PARD6G: variants seen among roughly 807,000 people sequenced by gnomAD.
PARD6G encodes par-6 family cell polarity regulator gamma, also known as partitioning defective 6 homolog gamma.
PARD6G carries 7 observed loss-of-function variants against 10.7 expected under a neutral mutation model. That is an observed-to-expected ratio of 0.66 (90% confidence interval 0.37 to 1.23). PARD6G has a LOEUF of 1.23. Ranked by LOEUF, PARD6G falls within the 50% of genes most tolerant of loss-of-function variation. The pLI is 0.02. For missense variants in PARD6G, 548 were observed against 571.8 expected (o/e 0.96, Z 0.42); for synonymous variants, 287 against 269.4 (o/e 1.07, Z -0.64).
At position 80,161,162 on chromosome 18, in the gene PARD6G, C is replaced by A. The variant is rs1258360465; in HGVS notation, c.296-556G>T. On this transcript the variant is annotated intron_variant, in intron 2 of 2. Transcript: ENST00000353265. The surrounding 1 kb of genome is among the most constrained non-coding windows in gnomAD (Gnocchi z 4.6). ...AGTCGGGCGTGTGAGCATTTCCCTG[C>A]GTTTTTGGTTAGCAGCTGATGAGGG... 6.6e-6 allele frequency among the ~76,000 whole-genome samples: 1 copy of A among 152,132 alleles called. No individual in the cohort carries two copies. The highest frequency in any genetic ancestry group is 6.5e-5 in the Admixed American group (1 of 15,276).
At chr18:80,185,139 T>A (rs1328182155) in intron 2 of PARD6G, among the ~76,000 whole-genome samples, 3 of 152,226 alleles carry the variant, frequency 2.0e-5, no homozygotes, top group Non-Finnish European at 4.4e-5. Flanking sequence ...AATTACAATC[T>A]GAAAGTCTGT....
chr18:80,180,561 T>C lies in PARD6G; in HGVS notation c.296-19955A>G, dbSNP rs1307304160. ...TGCCGGGCACACTGCGGCCTCTGGG[T>C]GTTTTCAGAACGGCAATCACATTCT... On this transcript the variant is annotated intron_variant, in intron 2 of 2. Coordinates refer to ENST00000353265, the MANE Select transcript of PARD6G (RefSeq NM_032510.4). This position sits in a 1 kb window ranked among gnomAD's most constrained non-coding sequence, Gnocchi z 5.6. 2.6e-5 allele frequency among the ~76,000 whole-genome samples: 4 copies of C among 152,030 alleles called. No individual in the cohort carries two copies. The highest frequency in any genetic ancestry group is 9.7e-5 in the African/African-American group (4 of 41,380).
intron 1 of PARD6G, among the ~76,000 whole-genome samples, chr18:80,220,706 G>A (rs532695000): frequency 1.4e-4 from 22 of 152,006 alleles, no homozygotes; most frequent in Non-Finnish European, 2.6e-4. Context: ...CACCTCCCAG[G>A]TTGCAGTGAT....
intron 2 of PARD6G, among the ~76,000 whole-genome samples, chr18:80,176,353 T>G (rs924836440): frequency 1.3e-5 from 2 of 152,250 alleles, no homozygotes; most frequent in Non-Finnish European, 2.9e-5. Flanking sequence ...ACGTTTACTT[T>G]ACACTCAGAA....
intron 1 of PARD6G, among the ~76,000 whole-genome samples, chr18:80,224,506 A>G (rs895260718): frequency 2.0e-5 from 3 of 152,154 alleles, no homozygotes; most frequent in African/African-American, 7.2e-5. Flanking sequence ...TCAAAGCTGG[A>G]TATCTGTCTT....
chr18:80,247,048 C>T lies in PARD6G; in HGVS notation c.72+229G>A, dbSNP rs1023563584. ...GAGTCTGCCCGGACTGTCCGATGGC[C>T]CTCGGCCCTCTGAGCGCCGCGGCTG... is the stretch of plus-strand genomic sequence containing the variant. On this transcript the variant is annotated intron_variant, in intron 1 of 2. Transcript: ENST00000353265. The surrounding 1 kb of genome is among the most constrained non-coding windows in gnomAD (Gnocchi z 4.2). 6.6e-6 allele frequency among the ~76,000 whole-genome samples: 1 copy of T among 152,094 alleles called. No individual in the cohort carries two copies. The highest frequency in any genetic ancestry group is 6.5e-5 in the Admixed American group (1 of 15,288).
rs1043570520 is a variant in PARD6G, at chr18:80,188,171, A to G, written c.295+14539T>C. ...TTTTACAGTATTTCTATCCCTCCTCAGTCTCTGCTACAGTTAATTAGATAC... is the reference window on the plus strand; with the variant it reads ...TTTTACAGTATTTCTATCCCTCCTCGGTCTCTGCTACAGTTAATTAGATAC... On this transcript the variant is annotated intron_variant, in intron 2 of 2. Coordinates refer to ENST00000353265, the MANE Select transcript of PARD6G (RefSeq NM_032510.4). The surrounding 1 kb of genome is among the most constrained non-coding windows in gnomAD (Gnocchi z 5.4). Among the ~76,000 whole-genome samples the G allele has an allele frequency of 6.6e-6, 1 of 152,118 alleles. No homozygotes were observed. The highest frequency in any genetic ancestry group is 2.4e-5 in the African/African-American group (1 of 41,410).
Position 80,160,577 on chromosome 18 carries a change from C to T in PARD6G, c.325G>A (p.Gly109Ser). 1.4e-6 allele frequency: 2 copies of T among 1,459,850 alleles called. No homozygotes were observed. Among genetic ancestry groups the T allele is most frequent in the South Asian group, 2.9e-5 (2 of 69,042 alleles). 90.4% of individuals were successfully genotyped at this position (1,459,850 alleles called of 1,614,324 possible). The change falls in exon 3 of 3, where the codon GGC (glycine) becomes AGC (serine). Residue 109 changes from glycine to serine, a missense_variant. This residue lies in a region of PARD6G where 235 missense variants were observed against 291.9 expected (regional missense o/e 0.81). Coordinates refer to ENST00000353265, the MANE Select transcript of PARD6G (RefSeq NM_032510.4). ...EEAERGSLGA[G>S]SLCRRRRALG... ...GCCCGCCTCCGCCTGCACAGCGAGC[C>T]CGCGCCGAGGCTGCCACGCTCGGCC...
Position 80,192,396 on chromosome 18 carries a change from C to G in PARD6G, c.295+10314G>C, listed in dbSNP as rs1452434468. Among the ~76,000 whole-genome samples the G allele has an allele frequency of 1.3e-5, 2 of 151,784 alleles. No homozygotes were observed. The highest frequency in any genetic ancestry group is 2.9e-5 in the Non-Finnish European group (2 of 68,036). ...GTGAGGCCTCAACTGAATGCCAACCCTAACTGAAGCCACTGCCCAGTGGGA... is the reference window on the plus strand; with the variant it reads ...GTGAGGCCTCAACTGAATGCCAACCGTAACTGAAGCCACTGCCCAGTGGGA... On this transcript the variant is annotated intron_variant, in intron 2 of 2. Transcript: ENST00000353265. This position sits in a 1 kb window ranked among gnomAD's most constrained non-coding sequence, Gnocchi z 4.9.
intron 2 of PARD6G, among the ~76,000 whole-genome samples, chr18:80,165,807 T>C (rs1038296921): frequency 6.6e-6 from 1 of 152,184 alleles, no homozygotes; most frequent in East Asian, 1.9e-4. Flanking sequence ...TTCCACTGGG[T>C]GCGCTGGCTC....
Position 80,192,555 on chromosome 18 carries a change from G to A in PARD6G, c.295+10155C>T, listed in dbSNP as rs532630494. 2.8e-3 allele frequency among the ~76,000 whole-genome samples: 421 copies of A among 152,144 alleles called. 1 individual carries two copies. Among genetic ancestry groups the A allele is most frequent in the South Asian group, 7.9e-3 (38 of 4,822 alleles). On this transcript the variant is annotated intron_variant, in intron 2 of 2. Coordinates refer to ENST00000353265, the MANE Select transcript of PARD6G (RefSeq NM_032510.4). The surrounding 1 kb of genome is among the most constrained non-coding windows in gnomAD (Gnocchi z 4.9). ...GGAGCCCAGGGGATGGGGGAGAGCAGGTGCCACGGCGGGAGCCTGAAGCTC... is the reference window on the plus strand; with the variant it reads ...GGAGCCCAGGGGATGGGGGAGAGCAAGTGCCACGGCGGGAGCCTGAAGCTC...
rs913363050 is a variant in PARD6G, at chr18:80,188,776, G to A, written c.295+13934C>T. Among the ~76,000 whole-genome samples the A allele has an allele frequency of 4.6e-5, 7 of 152,218 alleles. No individual in the cohort carries two copies. The highest frequency in any genetic ancestry group is 9.7e-5 in the African/African-American group (4 of 41,446). ...CCAGTCACCCTGGCCTGGGATGGCC[G>A]GGGTACAGCAAGTGACAGGCATGTG... On this transcript the variant is annotated intron_variant, in intron 2 of 2. Coordinates refer to ENST00000353265, the MANE Select transcript of PARD6G (RefSeq NM_032510.4). The surrounding 1 kb of genome is among the most constrained non-coding windows in gnomAD (Gnocchi z 5.4).
intron 1 of PARD6G, among the ~76,000 whole-genome samples, chr18:80,206,045 C>CT (rs1967050780): frequency 1.3e-5 from 2 of 152,226 alleles, no homozygotes; most frequent in African/African-American, 4.8e-5. Context: ...ATGTTTCAGT[C>CT]TTAACTTTAT....
Position 80,184,914 on chromosome 18 carries a change from A to G in PARD6G, c.295+17796T>C, listed in dbSNP as rs985924395. 2 of 152,154 alleles carry G rather than the reference A, an allele frequency of 1.3e-5. No homozygotes were observed. Among genetic ancestry groups the G allele is most frequent in the African/African-American group, 4.8e-5 (2 of 41,412 alleles). 9.4% of individuals were successfully genotyped at this position (152,154 alleles called of 1,614,324 possible). On this transcript the variant is annotated intron_variant, in intron 2 of 2. Transcript: ENST00000353265. The surrounding 1 kb of genome is among the most constrained non-coding windows in gnomAD (Gnocchi z 4.5). ...TAAAAACACTGGCTTGGACAACCTA[A>G]ATGGTCGGATGCTGACTTAGGTCTC...
chr18:80,205,859 G>A (rs1444696707), intron 1 of PARD6G, among the ~76,000 whole-genome samples: 6 of 152,128 alleles, frequency 3.9e-5, no homozygotes. Flanking sequence ...TCACTATATG[G>A]CTTTCGTTTA....
In PARD6G at chr18:80,186,371, C is replaced by CT. The variant is rs1568432045; in HGVS notation, c.295+16338_295+16339insA. On this transcript the variant is annotated intron_variant, in intron 2 of 2. Coordinates refer to ENST00000353265, the MANE Select transcript of PARD6G (RefSeq NM_032510.4). ...TGCACCCTCACACATGCTCGCACAC[C>CT]CACACATGCTCGCACACCCTCACAC... Among the ~76,000 whole-genome samples the CT allele has an allele frequency of 1.1e-3, 144 of 131,328 alleles. 10 individuals carry two copies. Among genetic ancestry groups the CT allele is most frequent in the African/African-American group, 4.3e-3 (136 of 31,636 alleles). 86.2% of individuals were successfully genotyped at this position (131,328 alleles called of 152,430 possible). A position where few individuals can be genotyped will look rare whatever the true frequency, so the allele number is the denominator to read the frequency against.
At chr18:80,222,921 C>A (rs1231189301) in intron 1 of PARD6G, among the ~76,000 whole-genome samples, 4 of 152,192 alleles carry the variant, frequency 2.6e-5, no homozygotes, top group Admixed American at 6.5e-5. Flanking sequence ...AGCAATCCAC[C>A]TGCCTCAGCC....
At position 80,202,948 on chromosome 18, in the gene PARD6G, CGGGGTG is replaced by C; in HGVS notation, c.73-22_73-17del. On this transcript the variant is annotated splice_polypyrimidine_tract_variant and intron_variant, in intron 1 of 2. Transcript: ENST00000353265. ...CCGCCCCAAACTACAATGCAAGAGACGGGGTGGGGGGAGGGGCATTAATAAATACCA... is the reference window on the plus strand; with the variant it reads ...CCGCCCCAAACTACAATGCAAGAGACGGGGGAGGGGCATTAATAAATACCA... 9.3e-7 allele frequency: 1 copy of C among 1,075,136 alleles called. No individual in the cohort carries two copies. Among genetic ancestry groups the C allele is most frequent in the Non-Finnish European group, 1.3e-6 (1 of 798,892 alleles). 66.6% of individuals were successfully genotyped at this position (1,075,136 alleles called of 1,614,324 possible). A position where few individuals can be genotyped will look rare whatever the true frequency, so the allele number is the denominator to read the frequency against.
At chr18:80,223,289 C>A (rs1967252270) in intron 1 of PARD6G, among the ~76,000 whole-genome samples, 1 of 151,990 alleles carries the variant, frequency 6.6e-6, no homozygotes, top group South Asian at 2.1e-4. Flanking sequence ...ACTTAAAAAC[C>A]TTTGTGCTTC....
Sources: allele counts gnomAD v4.1 joint callset (sites outside exome capture counted in the v4.1 genomes callset), GRCh38; gene constraint gnomAD v4.1.1; regional missense constraint gnomAD v4.1.1; non-coding constraint Gnocchi (gnomAD v3.1); transcripts MANE v1.5; gene names NCBI Gene and HGNC (gene_info 2026-07-23, HGNC 2026-07-21).